The following UBAC2 variants were observed in gnomAD, a reference collection of about 807,000 sequenced individuals.
The protein encoded by UBAC2 is ubiquitin-associated domain-containing protein 2.
In UBAC2, 26 loss-of-function variants were observed where a neutral mutation model predicts 44.0. The ratio of observed to expected loss-of-function variants is 0.59; its 90% CI spans 0.43 to 0.82. The LOEUF (loss-of-function observed/expected upper bound fraction) is 0.82. Ranked by LOEUF, UBAC2 falls within the 40% of genes least tolerant of loss-of-function variation. UBAC2 has a pLI of 0.00. For synonymous variants in UBAC2, 155 were observed against 154.3 expected, an observed-to-expected ratio of 1.00 and a Z score of -0.04; for missense variants, 329 against 419.4, an observed-to-expected ratio of 0.78 and a Z score of 1.88.
At chr13:99,253,030 A>G (rs931590343) in intron 4 of UBAC2, among the ~76,000 whole-genome samples, 4 of 150,776 alleles carry the variant, frequency 2.7e-5, no homozygotes, top group African/African-American at 7.3e-5. Flanking sequence ...ATCCAATACA[A>G]GAGTTGTTTT....
Position 99,340,554 on chromosome 13 carries a change from A to G in UBAC2, c.796A>G (p.Arg266Gly), listed in dbSNP as rs754243770. 1 of 1,613,174 alleles carries G rather than the reference A, an allele frequency of 6.2e-7. No homozygotes were observed. The highest frequency in any genetic ancestry group is 1.1e-5 in the South Asian group (1 of 91,016). Residue 266 changes from arginine to glycine, a missense_variant, in exon 7 of 9, where the codon AGA becomes GGA. By Grantham distance (125) the Arg-to-Gly change is moderately radical. Coordinates refer to ENST00000403766, the MANE Select transcript of UBAC2 (RefSeq NM_001144072.2). ...TCAGTTTGCACAAGGGAGGCGACAGAGACAGCAGCAGGTAAAAGTGATAAT... is the reference window on the plus strand; with the variant it reads ...TCAGTTTGCACAAGGGAGGCGACAGGGACAGCAGCAGGTAAAAGTGATAAT... ...FSQFAQGRRQ[R>G]QQQGGMINWN...
chr13:99,202,541 T>C (rs887070481), intron 1 of UBAC2, among the ~76,000 whole-genome samples: 2 of 152,232 alleles, frequency 1.3e-5, no homozygotes, highest in African/African-American at 2.4e-5. Context: ...AGAAATCTTA[T>C]TGGTTGCTGT....
In UBAC2 at chr13:99,232,702, G is replaced by A. The variant is rs545024868; in HGVS notation, c.32-5725G>A. 2.6e-3 allele frequency among the ~76,000 whole-genome samples: 389 copies of A among 152,070 alleles called. 1 individual carries two copies. Among genetic ancestry groups the A allele is most frequent in the Non-Finnish European group, 4.2e-3 (288 of 67,958 alleles). ...TTTGGGAGGCCGAGGCGGGCAGATC[G>A]CTTGAGCTCAGGAGTTCAAGACCAG... On this transcript the variant is annotated intron_variant, in intron 1 of 8. Transcript: ENST00000403766.
chr13:99,258,657 T>C (rs1398424698), intron 4 of UBAC2: 1 of 152,256 alleles, frequency 6.6e-6, no homozygotes, highest in African/African-American at 2.4e-5. Context: ...TTATAAGCTA[T>C]GTGACTTTGT....
At chr13:99,286,416 GGT>G (rs2044019614) in intron 4 of UBAC2, among the ~76,000 whole-genome samples, 1 of 152,068 alleles carries the variant, frequency 6.6e-6, no homozygotes, top group South Asian at 2.1e-4. Context: ...GTGGCTTTCT[GGT>G]ATAACCTATT....
chr13:99,334,839 G>A (rs2044763805), intron 6 of UBAC2, among the ~76,000 whole-genome samples: 1 of 151,966 alleles, frequency 6.6e-6, no homozygotes, highest in Non-Finnish European at 1.5e-5. Context: ...GAGATTGTCA[G>A]ACTAATTTAA....
intron 4 of UBAC2, among the ~76,000 whole-genome samples, chr13:99,261,983 C>T (rs1396099774): frequency 6.6e-6 from 1 of 152,126 alleles, no homozygotes; most frequent in South Asian, 2.1e-4. Context: ...CAGAAATAAA[C>T]AATTCATAAG....
intron 4 of UBAC2, among the ~76,000 whole-genome samples, chr13:99,304,375 G>A (rs570857799): frequency 2.0e-5 from 3 of 152,264 alleles, no homozygotes; most frequent in East Asian, 3.9e-4. Context: ...CAGTGTGGGT[G>A]TATTTGTGAG....
intron 6 of UBAC2, 67 bp downstream of exon 6, chr13:99,318,136 C>A: frequency 7.1e-7 from 1 of 1,406,524 alleles, no homozygotes; most frequent in Non-Finnish European, 1.0e-6. Context: ...GAAAATTGTC[C>A]TATTTAGATT....
At chr13:99,219,014 G>A (rs1278874830) in intron 1 of UBAC2, among the ~76,000 whole-genome samples, 2 of 152,172 alleles carry the variant, frequency 1.3e-5, no homozygotes, top group East Asian at 3.8e-4. Context: ...AAAACTTTAT[G>A]AGAAAGTTAC....
At chr13:99,291,043 A>C (rs2044083357) in intron 4 of UBAC2, among the ~76,000 whole-genome samples, 1 of 152,184 alleles carries the variant, frequency 6.6e-6, no homozygotes, top group Non-Finnish European at 1.5e-5. Flanking sequence ...TGGTGGCATG[A>C]ATGCTCCAAG....
At chr13:99,223,961 G>C (rs1239870610) in intron 1 of UBAC2, among the ~76,000 whole-genome samples, 3 of 152,162 alleles carry the variant, frequency 2.0e-5, no homozygotes, top group Non-Finnish European at 2.9e-5. Flanking sequence ...ACTTGCCGTT[G>C]TTGGGTGGAG....
Position 99,371,687 on chromosome 13 carries a change from G to A in UBAC2, c.927+3781G>A, listed in dbSNP as rs73570159. Among the ~76,000 whole-genome samples the A allele has an allele frequency of 6.3e-3, 963 of 152,232 alleles. 7 individuals are homozygous for A. The highest frequency in any genetic ancestry group is 0.022 in the African/African-American group (902 of 41,536). On this transcript the variant is annotated intron_variant, in intron 8 of 8. Coordinates refer to ENST00000403766, the MANE Select transcript of UBAC2 (RefSeq NM_001144072.2). ...TTCTTCATTTAAATATCAGAGCCAC[G>A]TAATTTTAATGCATTAAGAAACTTA...
intron 1 of UBAC2, chr13:99,215,331 TTTA>T: frequency 1.2e-6 from 1 of 831,792 alleles, no homozygotes. Flanking sequence ...CAGCTGTTCT[TTTA>T]TTTAGAGTCC....
intron 2 of UBAC2, among the ~76,000 whole-genome samples, chr13:99,240,602 G>GTA (rs1049028997): frequency 1.1e-4 from 16 of 152,152 alleles, no homozygotes; most frequent in Admixed American, 3.3e-4. Flanking sequence ...TCGGACATTG[G>GTA]TAAAGTCCTT....
intron 1 of UBAC2, among the ~76,000 whole-genome samples, chr13:99,231,137 T>G (rs1315989418): frequency 6.6e-6 from 1 of 152,200 alleles, no homozygotes; most frequent in Non-Finnish European, 1.5e-5. Flanking sequence ...CAACCTCAAT[T>G]CTGTCTGCAA....
intron 7 of UBAC2, among the ~76,000 whole-genome samples, chr13:99,361,267 A>G (rs920789531): frequency 1.3e-5 from 2 of 152,242 alleles, no homozygotes; most frequent in Non-Finnish European, 2.9e-5. Context: ...CACTTTTAAA[A>G]TATGTGGTTA....
chr13:99,276,554 C>T (rs1248269486), intron 4 of UBAC2, among the ~76,000 whole-genome samples: 2 of 152,240 alleles, frequency 1.3e-5, no homozygotes, highest in East Asian at 1.9e-4. Flanking sequence ...GCACCCCACC[C>T]TCTCAGCACT....
At chr13:99,333,817 C>A (rs2044749479) in intron 6 of UBAC2, among the ~76,000 whole-genome samples, 1 of 152,102 alleles carries the variant, frequency 6.6e-6, no homozygotes, top group South Asian at 2.1e-4. Context: ...AGATCTTTAA[C>A]CTTCCTCAGT....
Sources: allele counts gnomAD v4.1 joint callset (sites outside exome capture counted in the v4.1 genomes callset), GRCh38; gene constraint gnomAD v4.1.1; transcripts MANE v1.5; gene names NCBI Gene and HGNC (gene_info 2026-07-23, HGNC 2026-07-21).